Variants in C7 observed in about 807,000 individuals in gnomAD.
The protein encoded by C7 is complement component C7.
Under a neutral mutation model 104.8 loss-of-function variants are expected in C7, and 83 were observed. The observed-to-expected ratio is 0.79, with a 90% CI of 0.66 to 0.95. The LOEUF (loss-of-function observed/expected upper bound fraction) is 0.95, where lower values mean the gene tolerates loss of function less well. Ranked by LOEUF, C7 falls within the 40% of genes least tolerant of loss-of-function variation. The pLI, the probability that C7 is intolerant of heterozygous loss-of-function variation, is 0.00. For synonymous variants in C7, 415 were observed against 360.6 expected, an observed-to-expected ratio of 1.15 and a Z score of -1.71; for missense variants, 1,070 against 1,011.2, an observed-to-expected ratio of 1.06 and a Z score of -0.79.
intron 6 of C7, among the ~76,000 whole-genome samples, chr5:40,938,002 G>T (rs1579850080): frequency 2.0e-5 from 3 of 152,154 alleles, no homozygotes; most frequent in Middle Eastern, 6.8e-3. Context: ...GTCCATGACT[G>T]GTAATGATAG....
chr5:40,922,634 G>C (rs192656887), intron 1 of C7, among the ~76,000 whole-genome samples: 64 of 150,234 alleles, frequency 4.3e-4, no homozygotes, highest in African/African-American at 1.5e-3. Context: ...CCAGGAGGAG[G>C]AGGTTGCAGT....
chr5:40,914,737 C>T (rs976632518), intron 1 of C7, among the ~76,000 whole-genome samples: 5 of 152,106 alleles, frequency 3.3e-5, no homozygotes, highest in Non-Finnish European at 5.9e-5. Context: ...TGTTTGGTAA[C>T]CCTTGGGCCA....
intron 9 of C7, among the ~76,000 whole-genome samples, chr5:40,954,655 A>T (rs779779668): frequency 2.0e-5 from 3 of 151,928 alleles, no homozygotes; most frequent in Non-Finnish European, 2.9e-5. Context: ...AGGCTGAGGC[A>T]GGCAGATGAC....
At chr5:40,976,276 G>A (rs1740817613) in intron 15 of C7, among the ~76,000 whole-genome samples, 1 of 152,184 alleles carries the variant, frequency 6.6e-6, no homozygotes. Flanking sequence ...GGGCACAGCA[G>A]GCAGAATGCA....
chr5:40,924,299 C>T (rs944124301), intron 1 of C7, among the ~76,000 whole-genome samples: 5 of 152,166 alleles, frequency 3.3e-5, no homozygotes, highest in African/African-American at 1.2e-4. Context: ...TCCCTTGGCT[C>T]CAGGTTCCAC....
At chr5:40,915,338 C>T (rs1288920483) in intron 1 of C7, among the ~76,000 whole-genome samples, 1 of 151,926 alleles carries the variant, frequency 6.6e-6, no homozygotes, top group African/African-American at 2.4e-5. Context: ...AGTCAGGTGG[C>T]GCAATTTTGA....
intron 14 of C7, 30 bp from the exon 15 acceptor site, chr5:40,972,373 C>G (rs1740718130): frequency 7.6e-6 from 12 of 1,586,444 alleles, no homozygotes; most frequent in African/African-American, 1.3e-5. Flanking sequence ...AGAGCAACGA[C>G]CCTTATATTT....
chr5:40,931,204 G>T, intron 3 of C7, 65 bp downstream of exon 3: 3 of 1,174,018 alleles, frequency 2.6e-6, no homozygotes, highest in East Asian at 2.4e-5. Context: ...TGGCCAAAAT[G>T]GTATTAACTT....
At chr5:40,920,574 C>CAT (rs1297320830) in intron 1 of C7, among the ~76,000 whole-genome samples, 1 of 147,694 alleles carries the variant, frequency 6.8e-6, no homozygotes, top group Non-Finnish European at 1.5e-5. Flanking sequence ...TTGATGGCTT[C>CAT]ATGGCTGAAT....
Position 40,984,372 on chromosome 5 carries a change from G to A in C7, c.*2799G>A, listed in dbSNP as rs748471278. Among the ~76,000 whole-genome samples the A allele has an allele frequency of 1.3e-5, 2 of 152,144 alleles. No homozygotes were observed. Among genetic ancestry groups the A allele is most frequent in the Non-Finnish European group, 2.9e-5 (2 of 68,034 alleles). ...TTTGGATTACCTAGCAACTAGCCAG[G>A]TAACTGGCTAATCTGATTGAGGGTT... is the stretch of plus-strand genomic sequence containing the variant. On this transcript the variant is annotated 3_prime_UTR_variant, in exon 18 of 18. Transcript: ENST00000313164.
intron 8 of C7, among the ~76,000 whole-genome samples, chr5:40,948,798 C>G (rs931301716): frequency 6.6e-6 from 1 of 152,138 alleles, no homozygotes; most frequent in Non-Finnish European, 1.5e-5. Flanking sequence ...CAAGGTCTTT[C>G]TCTTCAGAAA....
At chr5:40,916,067 C>G (rs1333918530) in intron 1 of C7, among the ~76,000 whole-genome samples, 1 of 149,484 alleles carries the variant, frequency 6.7e-6, no homozygotes, top group Non-Finnish European at 1.5e-5. Context: ...TGTATCTTCT[C>G]CATCACCTTC....
intron 17 of C7, among the ~76,000 whole-genome samples, chr5:40,980,867 C>T (rs1372479246): frequency 1.3e-5 from 2 of 152,220 alleles, no homozygotes; most frequent in East Asian, 3.8e-4. Flanking sequence ...GACCTTGTTA[C>T]TCATCTTTGG....
intron 1 of C7, among the ~76,000 whole-genome samples, chr5:40,923,358 C>G (rs1561238054): frequency 6.6e-6 from 1 of 152,164 alleles, no homozygotes; most frequent in Non-Finnish European, 1.5e-5. Context: ...GCATCAACAT[C>G]AGCTCAGCTT....
In C7 at chr5:40,984,613, A is replaced by G. The variant is rs1741024816; in HGVS notation, c.*3040A>G. Reference sequence around the variant, plus strand: ...AATCACTTTTTCTTTCGGTCAAGGTATGTGTATTAATCAATATTTTTTGAA... The same window carrying G: ...AATCACTTTTTCTTTCGGTCAAGGTGTGTGTATTAATCAATATTTTTTGAA... On this transcript the variant is annotated 3_prime_UTR_variant, in exon 18 of 18. Coordinates refer to ENST00000313164, the MANE Select transcript of C7 (RefSeq NM_000587.4). Among the ~76,000 whole-genome samples the G allele has an allele frequency of 6.6e-6, 1 of 152,122 alleles. No individual in the cohort carries two copies. Among genetic ancestry groups the G allele is most frequent in the Non-Finnish European group, 1.5e-5 (1 of 68,042 alleles).
intron 14 of C7, among the ~76,000 whole-genome samples, chr5:40,971,856 T>C (rs1162120585): frequency 6.6e-6 from 1 of 152,166 alleles, no homozygotes; most frequent in African/African-American, 2.4e-5. Flanking sequence ...CCTTTCCCCA[T>C]TGCTTTTCTG....
intron 2 of C7, among the ~76,000 whole-genome samples, chr5:40,930,518 CT>C (rs1739659820): frequency 2.6e-5 from 4 of 151,508 alleles, no homozygotes; most frequent in African/African-American, 9.7e-5. Flanking sequence ...TGACCTACCT[CT>C]TTTATTATTT....
At chr5:40,931,183 A>T (rs1193774501) in intron 3 of C7, 44 bp downstream of exon 3, 4 of 1,443,892 alleles carry the variant, frequency 2.8e-6, no homozygotes, top group Non-Finnish European at 2.9e-6. Context: ...TATTGCAGAA[A>T]TACTTTGGCA....
Position 40,979,867 on chromosome 5 carries a change from G to T in C7, c.2308G>T (p.Glu770Ter). ...CAGCTGTACTCTGCCTGCCTCAGCT[G>T]AGAAAGCTTGTGGTGCCTGCCCACT... ...RDSCTLPASA[E>*]KACGACPLWG... is the part of the protein sequence containing the mutation. The change falls in exon 17 of 18, where the codon GAG becomes TAG. Residue 770 changes from glutamate to a stop codon, truncating the protein, a stop_gained. Coordinates refer to ENST00000313164, the MANE Select transcript of C7 (RefSeq NM_000587.4). LOFTEE classifies it low-confidence loss of function (END_TRUNC). 6.2e-7 allele frequency: 1 copy of T among 1,606,498 alleles called. No individual in the cohort carries two copies. Among genetic ancestry groups the T allele is most frequent in the Non-Finnish European group, 8.5e-7 (1 of 1,175,758 alleles).
Sources: allele counts gnomAD v4.1 joint callset (sites outside exome capture counted in the v4.1 genomes callset), GRCh38; gene constraint gnomAD v4.1.1; transcripts MANE v1.5; gene names NCBI Gene and HGNC (gene_info 2026-07-23, HGNC 2026-07-21).